Variants in CFAP20DC observed in about 807,000 individuals in gnomAD.
The protein encoded by CFAP20DC is CFAP20 domain containing.
In CFAP20DC, 84 loss-of-function variants were observed where a neutral mutation model predicts 101.7. That is an observed-to-expected ratio of 0.83 (90% CI 0.69 to 0.99). The LOEUF (loss-of-function observed/expected upper bound fraction) is 0.99, where lower values mean the gene tolerates loss of function less well. CFAP20DC is among the 50% of genes least tolerant of loss of function. The probability of loss-of-function intolerance (pLI) is 0.00; values close to 1 mark genes in which losing one functional copy is unlikely to be tolerated. For missense variants in CFAP20DC, 1,007 were observed against 970.3 expected (o/e 1.04, Z -0.50); for synonymous variants, 359 against 351.2 (o/e 1.02, Z -0.25).
rs532334424 is a variant in CFAP20DC at position 58,937,776 on chromosome 3, G to A, written c.279-14C>T. The A allele has an allele frequency of 1.1e-4, 153 of 1,378,666 alleles. 1 individual carries two copies. In the African/African-American group the frequency reaches 1.9e-3, roughly 17 times the overall value. 85.4% of individuals were successfully genotyped at this position (1,378,666 alleles called of 1,614,324 possible). A position where few individuals can be genotyped will look rare whatever the true frequency, so the allele number is the denominator to read the frequency against. ...AAATCAGTAATTCTGAAAACATGGA[G>A]GAGAGAAGACAGAAAGATTCCCATC... On this transcript the variant is annotated splice_polypyrimidine_tract_variant and intron_variant, in intron 4 of 16. Transcript: ENST00000482387.
chr3:58,716,765 G>A (rs948595650), downstream of CFAP20DC, among the ~76,000 whole-genome samples: 1 of 152,146 alleles, frequency 6.6e-6, no homozygotes, highest in South Asian at 2.1e-4. Context: ...AGCTTGCACA[G>A]CAACTCCCTA....
At chr3:59,036,267 A>C (rs912776037) in intron 4 of CFAP20DC, among the ~76,000 whole-genome samples, 1 of 152,154 alleles carries the variant, frequency 6.6e-6, no homozygotes, top group Non-Finnish European at 1.5e-5. Context: ...CATCACTCTT[A>C]TTCAACACAG....
intron 4 of CFAP20DC, among the ~76,000 whole-genome samples, chr3:59,033,415 A>T (rs1297922988): frequency 6.6e-5 from 10 of 152,166 alleles, no homozygotes; most frequent in Admixed American, 2.0e-4. Flanking sequence ...CTAAAGGAGC[A>T]TGTTTCTTAC....
At chr3:58,855,889 G>A (rs1407671090) in intron 12 of CFAP20DC, among the ~76,000 whole-genome samples, 2 of 150,596 alleles carry the variant, frequency 1.3e-5, no homozygotes, top group Non-Finnish European at 3.0e-5. Context: ...AATGCTAGAT[G>A]ATGAGTTAGT....
chr3:58,823,266 C>T (rs2075814063), intron 14 of CFAP20DC, among the ~76,000 whole-genome samples: 2 of 152,082 alleles, frequency 1.3e-5, no homozygotes, highest in South Asian at 4.1e-4. Context: ...TCCTCCCCTA[C>T]AATATGCTTA....
At chr3:58,932,894 T>A (rs894059780) in intron 5 of CFAP20DC, among the ~76,000 whole-genome samples, 1 of 152,172 alleles carries the variant, frequency 6.6e-6, no homozygotes, top group Non-Finnish European at 1.5e-5. Context: ...GCTAACATCA[T>A]AATGACAGGA....
Position 58,861,230 on chromosome 3 carries a change from A to G in CFAP20DC, c.1593+2328T>C. ...TCCTTTAAAAATACTCAATGGGCTA[A>G]CATCAAATAAAGTCTTTTAATTACA... On this transcript the variant is annotated intron_variant, in intron 12 of 16. Transcript: ENST00000482387. The surrounding 1 kb of genome is among the most constrained non-coding windows in gnomAD (Gnocchi z 4.0). 2.3e-6 allele frequency: 1 copy of G among 428,948 alleles called. No individual in the cohort carries two copies. Among genetic ancestry groups the G allele is most frequent in the Non-Finnish European group, 3.1e-6 (1 of 321,246 alleles). The allele number at this position is 428,948 out of a possible 1,614,324, so 26.6% of individuals were successfully genotyped here. A position where few individuals can be genotyped will look rare whatever the true frequency, so the allele number is the denominator to read the frequency against.
intron 5 of CFAP20DC, among the ~76,000 whole-genome samples, chr3:58,934,751 T>G (rs1488277132): frequency 6.6e-6 from 1 of 152,130 alleles, no homozygotes; most frequent in East Asian, 1.9e-4. Flanking sequence ...CTCAATAAAT[T>G]AGGTATTGAT....
At chr3:58,902,385 C>T (rs1198664382) in intron 6 of CFAP20DC, among the ~76,000 whole-genome samples, 5 of 152,120 alleles carry the variant, frequency 3.3e-5, no homozygotes, top group South Asian at 4.2e-4. Context: ...TTCCCCACAG[C>T]GGGTGAACGA....
At chr3:59,041,134 T>C (rs926944293) in intron 3 of CFAP20DC, among the ~76,000 whole-genome samples, 2 of 152,090 alleles carry the variant, frequency 1.3e-5, no homozygotes, top group African/African-American at 2.4e-5. Context: ...CATTGCACAA[T>C]GGCCTCTGTA....
chr3:58,955,250 A>G (rs2108119174), intron 4 of CFAP20DC, among the ~76,000 whole-genome samples: 1 of 152,210 alleles, frequency 6.6e-6, no homozygotes, highest in Admixed American at 6.5e-5. Flanking sequence ...ATAAGAACCA[A>G]AAAATTAGGT....
chr3:58,943,331 G>A (rs553356475), intron 4 of CFAP20DC, among the ~76,000 whole-genome samples: 5 of 152,266 alleles, frequency 3.3e-5, no homozygotes, highest in African/African-American at 1.2e-4. Context: ...GCTCTGCCTG[G>A]CGTCTGGCAG....
Position 58,913,637 on chromosome 3 carries a change from A to G in CFAP20DC, c.550+71T>C. 6.7e-7 allele frequency: 1 copy of G among 1,487,278 alleles called. No homozygotes were observed. Among genetic ancestry groups the G allele is most frequent in the South Asian group, 1.1e-5 (1 of 88,570 alleles). The allele number at this position is 1,487,278 out of a possible 1,614,324, so 92.1% of individuals were successfully genotyped here. A position where few individuals can be genotyped will look rare whatever the true frequency, so the allele number is the denominator to read the frequency against. On this transcript the variant is annotated intron_variant, in intron 6 of 16. Transcript: ENST00000482387. This position sits in a 1 kb window ranked among gnomAD's most constrained non-coding sequence, Gnocchi z 4.4. Reference sequence around the variant, plus strand: ...CAAACTGCTACCACACACTCATACTATCCCAAAGGTATGGCTAATTTTAAA... The same window carrying G: ...CAAACTGCTACCACACACTCATACTGTCCCAAAGGTATGGCTAATTTTAAA...
chr3:58,953,247 T>C (rs908833706), intron 4 of CFAP20DC, among the ~76,000 whole-genome samples: 7 of 152,190 alleles, frequency 4.6e-5, no homozygotes, highest in East Asian at 1.9e-4. Context: ...TCCTCTGCTA[T>C]AGTGTATCTT....
chr3:58,852,661 G>A (rs1379114387), intron 12 of CFAP20DC, among the ~76,000 whole-genome samples: 1 of 149,086 alleles, frequency 6.7e-6, no homozygotes, highest in African/African-American at 2.5e-5. Context: ...AATCAAACTA[G>A]AACTCAGGAT....
At chr3:58,717,080 C>T (rs1449163708), downstream of CFAP20DC, among the ~76,000 whole-genome samples, 1 of 151,964 alleles carries the variant, frequency 6.6e-6, no homozygotes, top group East Asian at 1.9e-4. This position sits in a 1 kb window ranked among gnomAD's most constrained non-coding sequence, Gnocchi z 4.1. Flanking sequence ...CCTTATCAAT[C>T]AGTCAAGAGT....
chr3:58,812,656 GTAAC>G (rs2074757415), intron 14 of CFAP20DC, among the ~76,000 whole-genome samples: 1 of 151,580 alleles, frequency 6.6e-6, no homozygotes, highest in Admixed American at 6.6e-5. Context: ...GTATACATGT[GTAAC>G]TAACCTGCAC....
At chr3:58,945,000 T>A (rs757863308) in intron 4 of CFAP20DC, among the ~76,000 whole-genome samples, 12 of 152,208 alleles carry the variant, frequency 7.9e-5, no homozygotes, top group Non-Finnish European at 1.2e-4. Flanking sequence ...AAAAATATCA[T>A]TATTAAATAT....
rs1317683413 is a variant in CFAP20DC at position 58,913,646 on chromosome 3, G to A, written c.550+62C>T. On this transcript the variant is annotated intron_variant, in intron 6 of 16. Coordinates refer to ENST00000482387, the MANE Select transcript of CFAP20DC (RefSeq NM_001394063.1). The surrounding 1 kb of genome is among the most constrained non-coding windows in gnomAD (Gnocchi z 4.4). ...ACCACACACTCATACTATCCCAAAGGTATGGCTAATTTTAAAAATACATCA... is the reference window on the plus strand; with the variant it reads ...ACCACACACTCATACTATCCCAAAGATATGGCTAATTTTAAAAATACATCA... 3 of 1,535,466 alleles carry A rather than the reference G, an allele frequency of 2.0e-6. No individual in the cohort carries two copies. The highest frequency in any genetic ancestry group is 2.2e-5 in the South Asian group (2 of 89,458).
Sources: allele counts gnomAD v4.1 joint callset (sites outside exome capture counted in the v4.1 genomes callset), GRCh38; gene constraint gnomAD v4.1.1; non-coding constraint Gnocchi (gnomAD v3.1); transcripts MANE v1.5; gene names NCBI Gene and HGNC (gene_info 2026-07-23, HGNC 2026-07-21).